The following MARCHF1 variants were observed in gnomAD, a reference collection of about 807,000 sequenced individuals.
MARCHF1 encodes the protein E3 ubiquitin-protein ligase MARCHF1.
A neutral mutation model predicts 54.2 loss-of-function variants in MARCHF1; 40 were observed. That is an observed-to-expected ratio of 0.74 (90% CI 0.57 to 0.96). The LOEUF (loss-of-function observed/expected upper bound fraction) is 0.96. MARCHF1 is among the 40% of genes least tolerant of loss of function. The pLI, the probability that MARCHF1 is intolerant of heterozygous loss-of-function variation, is 0.00. For synonymous variants in MARCHF1, 236 were observed against 236.3 expected (o/e 1.00, Z 0.01); for missense variants, 586 against 656.5 (o/e 0.89, Z 1.17).
At chr4:163,605,649 A>G (rs528717744) in intron 7 of MARCHF1, among the ~76,000 whole-genome samples, 2 of 152,304 alleles carry the variant, frequency 1.3e-5, no homozygotes, top group East Asian at 3.9e-4. Flanking sequence ...AAGACTTGGA[A>G]CCAACCCAAA....
chr4:163,558,453 G>T (rs1475817667), intron 8 of MARCHF1, among the ~76,000 whole-genome samples: 1 of 152,182 alleles, frequency 6.6e-6, no homozygotes, highest in African/African-American at 2.4e-5. Flanking sequence ...AAGATAGAAG[G>T]TTCTCTGGCT....
intron 1 of MARCHF1, among the ~76,000 whole-genome samples, chr4:164,118,468 A>G (rs1453266150): frequency 1.3e-5 from 2 of 151,022 alleles, no homozygotes; most frequent in Non-Finnish European, 3.0e-5. Flanking sequence ...GCAAAGTTTG[A>G]TAAATATCAA....
intron 1 of MARCHF1, among the ~76,000 whole-genome samples, chr4:164,141,410 T>A (rs888250062): frequency 6.6e-6 from 1 of 152,232 alleles, no homozygotes; most frequent in South Asian, 2.1e-4. Flanking sequence ...CAAAGAAGAG[T>A]CACATACTAA....
chr4:163,626,430 G>A (rs1434405734), intron 5 of MARCHF1, among the ~76,000 whole-genome samples: 1 of 152,178 alleles, frequency 6.6e-6, no homozygotes. Flanking sequence ...TAATTTATGA[G>A]TGTGAAAAAG....
intron 1 of MARCHF1, among the ~76,000 whole-genome samples, chr4:164,120,646 A>G (rs563552104): frequency 2.5e-4 from 38 of 152,160 alleles, no homozygotes; most frequent in Non-Finnish European, 5.0e-4. Flanking sequence ...CTCTTACCAC[A>G]ACTGAATAAA....
At chr4:163,844,356 T>A (rs1432373683) in intron 4 of MARCHF1, among the ~76,000 whole-genome samples, 1 of 152,218 alleles carries the variant, frequency 6.6e-6, no homozygotes, top group Non-Finnish European at 1.5e-5. Flanking sequence ...GTAAATGTTT[T>A]CTCCCATCCT....
intron 8 of MARCHF1, among the ~76,000 whole-genome samples, chr4:163,578,606 A>G (rs1740115312): frequency 6.6e-6 from 1 of 152,096 alleles, no homozygotes; most frequent in Non-Finnish European, 1.5e-5. Flanking sequence ...AGAGAGAAAC[A>G]TTAATTTTTC....
intron 1 of MARCHF1, among the ~76,000 whole-genome samples, chr4:164,233,345 C>A (rs1360096473): frequency 6.6e-6 from 1 of 152,100 alleles, no homozygotes; most frequent in Admixed American, 6.6e-5. Flanking sequence ...CCAATGACAT[C>A]ATTGTTTTGA....
intron 2 of MARCHF1, among the ~76,000 whole-genome samples, chr4:164,029,428 A>C (rs1485754481): frequency 1.3e-5 from 2 of 151,970 alleles, no homozygotes; most frequent in Admixed American, 6.6e-5. Flanking sequence ...TGCCCCCATG[A>C]TCCAATCACC....
chr4:164,178,741 A>C (rs1730754475), intron 1 of MARCHF1, among the ~76,000 whole-genome samples: 3 of 152,214 alleles, frequency 2.0e-5, no homozygotes, highest in Admixed American at 6.5e-5. Flanking sequence ...ATAATAATAA[A>C]ATTTTGACTT....
intron 1 of MARCHF1, chr4:164,188,370 G>T (rs1434059809): frequency 1.9e-5 from 9 of 477,672 alleles, no homozygotes; most frequent in East Asian, 8.1e-5. Flanking sequence ...TCTGCTGCCC[G>T]ACTGGCTGGC....
intron 3 of MARCHF1, among the ~76,000 whole-genome samples, chr4:163,981,668 C>T (rs1300083047): frequency 6.6e-6 from 1 of 152,114 alleles, no homozygotes; most frequent in East Asian, 1.9e-4. Flanking sequence ...TTGAGGGATT[C>T]TAAATCCATG....
chr4:163,767,030 A>T (rs186977623), intron 4 of MARCHF1, among the ~76,000 whole-genome samples: 3 of 148,378 alleles, frequency 2.0e-5, no homozygotes, highest in East Asian at 4.0e-4. Context: ...TCATTATCTC[A>T]TTTAATTCCC....
At chr4:164,186,954 T>C (rs1156765749) in intron 1 of MARCHF1, among the ~76,000 whole-genome samples, 1 of 152,156 alleles carries the variant, frequency 6.6e-6, no homozygotes, top group East Asian at 1.9e-4. Flanking sequence ...CAATTATTTA[T>C]AAGTATTATT....
chr4:164,377,614 CAT>C (rs1491292836), intron 1 of MARCHF1, among the ~76,000 whole-genome samples: 13 of 151,368 alleles, frequency 8.6e-5, no homozygotes, highest in East Asian at 7.8e-4. Flanking sequence ...CACACACACA[CAT>C]ACACACATGT....
At chr4:164,366,840 T>C (rs1295972190) in intron 1 of MARCHF1, among the ~76,000 whole-genome samples, 1 of 152,008 alleles carries the variant, frequency 6.6e-6, no homozygotes, top group Admixed American at 6.6e-5. Context: ...AAAATTAGGG[T>C]AATTTTCTTA....
At chr4:163,888,417 A>T (rs755394833) in intron 3 of MARCHF1, among the ~76,000 whole-genome samples, 1 of 152,202 alleles carries the variant, frequency 6.6e-6, no homozygotes, top group Admixed American at 6.5e-5. Flanking sequence ...CAAATCCATC[A>T]CTACTTTGAA....
intron 4 of MARCHF1, among the ~76,000 whole-genome samples, chr4:163,713,378 T>C (rs1204198527): frequency 6.6e-6 from 1 of 152,214 alleles, no homozygotes; most frequent in Non-Finnish European, 1.5e-5. Flanking sequence ...ATCCCAACTA[T>C]ACCACTTGTG....
chr4:164,118,198 A>G (rs1293544115), intron 1 of MARCHF1, among the ~76,000 whole-genome samples: 1 of 151,846 alleles, frequency 6.6e-6, no homozygotes, highest in Non-Finnish European at 1.5e-5. Flanking sequence ...AACTAAAAAC[A>G]AATATTTTTA....
Sources: allele counts gnomAD v4.1 joint callset (sites outside exome capture counted in the v4.1 genomes callset), GRCh38; gene constraint gnomAD v4.1.1; transcripts MANE v1.5; gene names NCBI Gene and HGNC (gene_info 2026-07-23, HGNC 2026-07-21).